Variants in RUNX1 observed in about 807,000 individuals in gnomAD.
The protein encoded by RUNX1 is RUNX family transcription factor 1, also known as runt-related transcription factor 1.
In RUNX1, 19 loss-of-function variants were observed where a neutral mutation model predicts 42.8. That is an observed-to-expected ratio of 0.44 (90% CI 0.31 to 0.65). RUNX1 has a LOEUF of 0.65. Ranked by LOEUF, RUNX1 falls within the 30% of genes least tolerant of loss-of-function variation. The probability of loss-of-function intolerance (pLI) is 0.07; values close to 1 mark genes in which losing one functional copy is unlikely to be tolerated. For missense variants in RUNX1, 528 were observed against 672.0 expected (o/e 0.79, Z 2.37); for synonymous variants, 271 against 289.4 (o/e 0.94, Z 0.64).
rs184661323 is a variant in RUNX1, at chr21:34,953,140, T to A, written c.59-60177A>T. Among the ~76,000 whole-genome samples the A allele has an allele frequency of 1.0e-2, 1,501 of 150,438 alleles. 27 individuals carry two copies. Among genetic ancestry groups the A allele is most frequent in the African/African-American group, 0.03 (1,223 of 40,648 alleles). On this transcript the variant is annotated intron_variant, in intron 2 of 8. Coordinates refer to ENST00000675419, the MANE Select transcript of RUNX1 (RefSeq NM_001754.5). ...CTGTTTTGGGGACTTTTTTTTTTTTTAAATCTACGTTTTACAGCATTATTA... is the reference window on the plus strand; with the variant it reads ...CTGTTTTGGGGACTTTTTTTTTTTTAAAATCTACGTTTTACAGCATTATTA...
intron 7 of RUNX1, among the ~76,000 whole-genome samples, chr21:34,815,307 A>G (rs1255524570): frequency 6.6e-6 from 1 of 152,188 alleles, no homozygotes; most frequent in Non-Finnish European, 1.5e-5. Context: ...ATGGTTCTTC[A>G]TCCATTCAGC....
intron 2 of RUNX1, among the ~76,000 whole-genome samples, 156 bp from the exon 3 acceptor site, chr21:34,893,119 A>T (rs1484064917): frequency 6.6e-6 from 1 of 152,058 alleles, no homozygotes; most frequent in Non-Finnish European, 1.5e-5. Flanking sequence ...ATAGTAAATC[A>T]CCAAATAAGA....
In RUNX1 at chr21:34,878,604, T is replaced by G. The variant is rs1340905040; in HGVS notation, c.508+1953A>C. Among the ~76,000 whole-genome samples, 5 of 152,076 alleles carry G rather than the reference T, an allele frequency of 3.3e-5. 1 individual carries two copies. The highest frequency in any genetic ancestry group is 7.4e-5 in the Non-Finnish European group (5 of 68,014). On this transcript the variant is annotated intron_variant, in intron 5 of 8. Transcript: ENST00000675419. ...CCTTGGTTGCAGCTATTTTACTTTT[T>G]GGGGTTTATGCAAACTCAAGGGCAT... is the stretch of plus-strand genomic sequence containing the variant.
intron 3 of RUNX1, chr21:34,888,020 G>A: frequency 9.4e-7 from 1 of 1,066,204 alleles, no homozygotes; most frequent in Non-Finnish European, 1.1e-6. Context: ...CTCGGGTTTG[G>A]GGATGTTGGT....
chr21:34,792,080 C>A lies in RUNX1; in HGVS notation c.*55G>T. Reference sequence around the variant, plus strand: ...GCTTGTCGCGAACAGGAGGCCCGCGCGCCCGGAGGCGAAGGCGGCGGCCCG... The same window carrying A: ...GCTTGTCGCGAACAGGAGGCCCGCGAGCCCGGAGGCGAAGGCGGCGGCCCG... On this transcript the variant is annotated 3_prime_UTR_variant, in exon 9 of 9. Coordinates refer to ENST00000675419, the MANE Select transcript of RUNX1 (RefSeq NM_001754.5). The surrounding 1 kb of genome is among the most constrained non-coding windows in gnomAD (Gnocchi z 6.9). 2 of 1,140,916 alleles carry A rather than the reference C, an allele frequency of 1.8e-6. No individual in the cohort carries two copies. Among genetic ancestry groups the A allele is most frequent in the African/African-American group, 1.7e-5 (1 of 60,100 alleles). 70.7% of individuals were successfully genotyped at this position (1,140,916 alleles called of 1,614,324 possible).
At chr21:34,793,077 C>T (rs561125988) in intron 8 of RUNX1, among the ~76,000 whole-genome samples, 1 of 151,750 alleles carries the variant, frequency 6.6e-6, no homozygotes, top group East Asian at 1.9e-4. Flanking sequence ...CAGAATTTAC[C>T]GCCCAGGAAG....
intron 8 of RUNX1, 103 bp downstream of exon 8, chr21:34,799,198 A>G (rs1255707030): frequency 2.4e-6 from 3 of 1,272,792 alleles, no homozygotes; most frequent in Non-Finnish European, 3.4e-6. Flanking sequence ...CCTTTAAACC[A>G]TGTTTTACTC....
At chr21:34,873,184 T>G (rs1384506743) in intron 5 of RUNX1, among the ~76,000 whole-genome samples, 1 of 152,234 alleles carries the variant, frequency 6.6e-6, no homozygotes, top group Non-Finnish European at 1.5e-5. Context: ...CCCAATGCCT[T>G]GAGCAAACTG....
intron 2 of RUNX1, among the ~76,000 whole-genome samples, chr21:34,995,024 C>T (rs913081851): frequency 5.9e-5 from 9 of 152,230 alleles, no homozygotes; most frequent in Admixed American, 3.3e-4. Flanking sequence ...CATGAATCAG[C>T]CCCGCATGGA....
At chr21:34,872,211 C>T (rs1370440524) in intron 5 of RUNX1, among the ~76,000 whole-genome samples, 1 of 152,210 alleles carries the variant, frequency 6.6e-6, no homozygotes, top group Non-Finnish European at 1.5e-5. Flanking sequence ...AGATCAGTGG[C>T]TCCATGGACT....
In RUNX1 at chr21:35,038,657, G is replaced by T. The variant is rs1309969853; in HGVS notation, c.58+10185C>A. On this transcript the variant is annotated intron_variant, in intron 2 of 8. Transcript: ENST00000675419. The stretch of plus-strand genomic sequence containing the variant: ...TGTGTGTGTGTGTGTGAGATAGAGA[G>T]AGAGAGAGAGAGAGACCTTTATTTC... 2.6e-5 allele frequency: 12 copies of T among 452,854 alleles called. No homozygotes were observed. The East Asian group carries it at 3.5e-4, about 13-fold the overall frequency. The allele number at this position is 452,854 out of a possible 1,614,324, so 28.1% of individuals were successfully genotyped here.
intron 2 of RUNX1, among the ~76,000 whole-genome samples, chr21:34,957,243 C>T (rs146141991): frequency 2.6e-4 from 40 of 152,240 alleles, no homozygotes; most frequent in Non-Finnish European, 4.9e-4. Context: ...TTATGGGGCA[C>T]TAAATGTGAT....
In RUNX1 at chr21:34,873,288, G is replaced by A. The variant is rs140424648; in HGVS notation, c.508+7269C>T. Among the ~76,000 whole-genome samples the A allele has an allele frequency of 2.6e-4, 39 of 152,196 alleles. 1 individual carries two copies. In the East Asian group the frequency reaches 4.3e-3, roughly 17 times the overall value. ...CTGTGATTTACCTTGGTTTGCATAC[G>A]GTGACTCAATTAGGGCCATACACCA... On this transcript the variant is annotated intron_variant, in intron 5 of 8. Transcript: ENST00000675419.
intron 5 of RUNX1, among the ~76,000 whole-genome samples, chr21:34,873,912 G>A (rs1305321011): frequency 6.6e-6 from 1 of 152,218 alleles, no homozygotes; most frequent in Non-Finnish European, 1.5e-5. Context: ...TTGAAGTGCT[G>A]CGATCTGTCC....
chr21:34,815,773 A>G (rs1408357135), intron 7 of RUNX1, among the ~76,000 whole-genome samples: 2 of 152,126 alleles, frequency 1.3e-5, no homozygotes, highest in Non-Finnish European at 2.9e-5. Flanking sequence ...AAAATGTGGA[A>G]AGCAGGGTCA....
At chr21:34,866,294 G>A (rs2057660659) in intron 5 of RUNX1, among the ~76,000 whole-genome samples, 1 of 152,176 alleles carries the variant, frequency 6.6e-6, no homozygotes. Context: ...CCCAAAGAGT[G>A]AGAAAGGAAA....
intron 6 of RUNX1, among the ~76,000 whole-genome samples, chr21:34,851,019 T>A (rs1007392159): frequency 1.3e-5 from 2 of 152,150 alleles, no homozygotes; most frequent in Non-Finnish European, 2.9e-5. Flanking sequence ...TACTACCAAC[T>A]GTCCCCGTTT....
At chr21:34,957,580 C>G (rs1354400028) in intron 2 of RUNX1, among the ~76,000 whole-genome samples, 1 of 152,188 alleles carries the variant, frequency 6.6e-6, no homozygotes, top group Non-Finnish European at 1.5e-5. Flanking sequence ...GGGCTTTTCC[C>G]TCATCCTTTC....
chr21:34,986,103 C>T (rs1307271654), intron 2 of RUNX1, among the ~76,000 whole-genome samples: 1 of 151,980 alleles, frequency 6.6e-6, no homozygotes, highest in African/African-American at 2.4e-5. Flanking sequence ...AACTCCTGGG[C>T]TCAAGGGATC....
Sources: allele counts gnomAD v4.1 joint callset (sites outside exome capture counted in the v4.1 genomes callset), GRCh38; gene constraint gnomAD v4.1.1; non-coding constraint Gnocchi (gnomAD v3.1); transcripts MANE v1.5; gene names NCBI Gene and HGNC (gene_info 2026-07-23, HGNC 2026-07-21).